The following GPATCH2L variants were observed in gnomAD, a reference collection of about 807,000 sequenced individuals.
GPATCH2L encodes the protein G patch domain-containing protein 2-like.
In GPATCH2L, 31 loss-of-function variants were observed where a neutral mutation model predicts 57.4. The observed-to-expected ratio is 0.54, with a 90% confidence interval of 0.41 to 0.73. GPATCH2L has a LOEUF of 0.73. Ranked by LOEUF, GPATCH2L falls within the 30% of genes least tolerant of loss-of-function variation. The pLI is 0.00. For synonymous variants in GPATCH2L, 199 were observed against 210.7 expected (o/e 0.94, Z 0.48); for missense variants, 481 against 599.9 (o/e 0.80, Z 2.07).
chr14:76,153,222 G>A (rs2038137947), intron 1 of GPATCH2L, among the ~76,000 whole-genome samples: 1 of 152,202 alleles, frequency 6.6e-6, no homozygotes, highest in Non-Finnish European at 1.5e-5. Context: ...ATGGGAATAT[G>A]GTCAGAGAGT....
At chr14:76,166,120 T>A (rs3825698) in intron 2 of GPATCH2L, among the ~76,000 whole-genome samples, 85,404 of 152,098 alleles carry the variant, frequency 0.56, 26,330 homozygotes, top group South Asian at 0.77. Context: ...TTAACTTTAG[T>A]TCCTTTTTTC....
In GPATCH2L at chr14:76,180,762, A is replaced by T. The variant is rs1407178873; in HGVS notation, c.1108-2A>T. 3 of 1,600,088 alleles carry T rather than the reference A, an allele frequency of 1.9e-6. No individual in the cohort carries two copies. The South Asian group carries it at 3.3e-5, about 18-fold the overall frequency. ...CTAAAATAGTCTTATTCATTCCTGC[A>T]GTTCAATCCCCTGTCTCCCCTTTAC... On this transcript the variant is annotated splice_acceptor_variant, in intron 7 of 9. Coordinates refer to ENST00000261530, the MANE Select transcript of GPATCH2L (RefSeq NM_017926.4). LOFTEE classifies it high-confidence loss of function.
intron 2 of GPATCH2L, 97 bp from the exon 3 acceptor site, chr14:76,166,566 G>A (rs1879327781): frequency 7.1e-6 from 5 of 704,168 alleles, no homozygotes; most frequent in Non-Finnish European, 1.3e-5. Flanking sequence ...TAACAGGTTG[G>A]AGTGAAATTA....
At chr14:76,174,866 C>T (rs893135679) in intron 5 of GPATCH2L, 6 of 152,142 alleles carry the variant, frequency 3.9e-5, no homozygotes, top group African/African-American at 1.4e-4. Context: ...AACCCCTGAC[C>T]TCAGGTGATC....
intron 9 of GPATCH2L, among the ~76,000 whole-genome samples, chr14:76,197,215 A>T (rs2040180695): frequency 6.6e-6 from 1 of 152,180 alleles, no homozygotes; most frequent in Non-Finnish European, 1.5e-5. Flanking sequence ...ATAAAACAAG[A>T]TCAAGTCTAG....
At chr14:76,169,602 A>T (rs187275334) in intron 3 of GPATCH2L, among the ~76,000 whole-genome samples, 1 of 152,300 alleles carries the variant, frequency 6.6e-6, no homozygotes, top group Admixed American at 6.5e-5. Context: ...CTGCTGGTCT[A>T]TGTGGTCTCA....
rs2139837662 is a variant in GPATCH2L at position 76,206,393 on chromosome 14, A to C, written c.*4542A>C. 1 of 152,318 alleles carries C rather than the reference A, an allele frequency of 6.6e-6. No homozygotes were observed. The highest frequency in any genetic ancestry group is 1.9e-4 in the East Asian group (1 of 5,182). 9.4% of individuals were successfully genotyped at this position (152,318 alleles called of 1,614,324 possible). On this transcript the variant is annotated 3_prime_UTR_variant, in exon 10 of 10. Transcript: ENST00000261530. Reference sequence around the variant, plus strand: ...TGAGAAGTATTGTTGAAGAGTATGGACCTACAGGGTTTTTAACAAGTCCAG... The same window carrying C: ...TGAGAAGTATTGTTGAAGAGTATGGCCCTACAGGGTTTTTAACAAGTCCAG...
At chr14:76,226,872 T>C (rs572571960) in intron 1 of GPATCH2L, among the ~76,000 whole-genome samples, 89 of 152,190 alleles carry the variant, frequency 5.8e-4, no homozygotes, top group African/African-American at 2.0e-3. Context: ...TAAAAGAGAG[T>C]GTACACGGAG....
At chr14:76,168,719 A>G (rs965074346) in intron 3 of GPATCH2L, among the ~76,000 whole-genome samples, 1 of 152,254 alleles carries the variant, frequency 6.6e-6, no homozygotes, top group Non-Finnish European at 1.5e-5. Context: ...GACCAAGCCC[A>G]GAGTCAGTAG....
intron 1 of GPATCH2L, chr14:76,153,025 A>G (rs2038127242): frequency 9.1e-6 from 3 of 330,528 alleles, no homozygotes; most frequent in African/African-American, 4.3e-5. Flanking sequence ...TCTTGTTTAA[A>G]TGTATGTGCT....
At chr14:76,227,330 C>T (rs2040540321) in intron 1 of GPATCH2L, among the ~76,000 whole-genome samples, 1 of 152,288 alleles carries the variant, frequency 6.6e-6, no homozygotes, top group South Asian at 2.1e-4. Flanking sequence ...CTTCTCCTAA[C>T]CTCAAAAGGC....
rs1164034063 is a variant in GPATCH2L at position 76,187,961 on chromosome 14, C to G, written c.1193+7112C>G. On this transcript the variant is annotated intron_variant, in intron 8 of 9. Transcript: ENST00000261530. ...TTTAGATCCCACAAATAAGTGAGAA[C>G]ATGTGATTTTTGTCTTTCTGTGCCT... Among the ~76,000 whole-genome samples the G allele has an allele frequency of 6.6e-5, 10 of 152,240 alleles. No homozygotes were observed. In the South Asian group the frequency reaches 1.9e-3, roughly 28 times the overall value.
chr14:76,183,789 T>C (rs10498533), intron 8 of GPATCH2L, among the ~76,000 whole-genome samples: 31,495 of 152,094 alleles, frequency 0.21, 3,622 homozygotes, highest in African/African-American at 0.31. Flanking sequence ...ACTGATGAGA[T>C]TGGATTCAGA....
chr14:76,160,337 G>T (rs2038522501), intron 2 of GPATCH2L, among the ~76,000 whole-genome samples: 1 of 152,138 alleles, frequency 6.6e-6, no homozygotes, highest in African/African-American at 2.4e-5. Flanking sequence ...TTCTAACGTG[G>T]GCCTCCATTT....
chr14:76,227,727 G>T (rs1303050007), intron 1 of GPATCH2L, among the ~76,000 whole-genome samples: 1 of 22,438 alleles, frequency 4.5e-5, no homozygotes, highest in African/African-American at 6.2e-5. Context: ...CTACTTACAA[G>T]AACTCCATAG....
intron 8 of GPATCH2L, among the ~76,000 whole-genome samples, chr14:76,194,461 C>T (rs1430599582): frequency 1.4e-5 from 2 of 143,440 alleles, no homozygotes; most frequent in Non-Finnish European, 3.0e-5. Context: ...GACTCTTAAG[C>T]TTTTGCTATT....
At position 76,177,019 on chromosome 14, in the gene GPATCH2L, T is replaced by C. The variant is rs112276135; in HGVS notation, c.1052+329T>C. Among the ~76,000 whole-genome samples, 521 of 152,242 alleles carry C rather than the reference T, an allele frequency of 3.4e-3. 4 individuals carry two copies. The highest frequency in any genetic ancestry group is 0.012 in the African/African-American group (483 of 41,512). On this transcript the variant is annotated intron_variant, in intron 6 of 9. Transcript: ENST00000261530. ...TGATTGCCTCTATCCTCCTATATTC[T>C]CTTCCCATTTTTAGACCTTTTCATA...
At chr14:76,218,977 G>A (rs189970438), downstream of GPATCH2L, among the ~76,000 whole-genome samples, 495 of 115,380 alleles carry the variant, frequency 4.3e-3, 3 homozygotes, top group African/African-American at 0.016. Context: ...AGATTTAAAC[G>A]TAAAAAATAA....
Position 76,210,415 on chromosome 14 carries a change from T to C in GPATCH2L, c.*8564T>C, listed in dbSNP as rs929571181. On this transcript the variant is annotated 3_prime_UTR_variant, in exon 10 of 10. Coordinates refer to ENST00000261530, the MANE Select transcript of GPATCH2L (RefSeq NM_017926.4). ...TGAACTGTTGGAGGGCATGTACATA[T>C]GCATAAGCTGTGGGCCACTGGGCCA... 7 of 152,214 alleles carry C rather than the reference T, an allele frequency of 4.6e-5. No homozygotes were observed. The highest frequency in any genetic ancestry group is 2.0e-4 in the Admixed American group (3 of 15,270). 9.4% of individuals were successfully genotyped at this position (152,214 alleles called of 1,614,324 possible).
Sources: gnomAD v4.1 joint callset for allele counts (sites outside exome capture counted in the v4.1 genomes callset) on GRCh38, gnomAD v4.1.1 for gene constraint, MANE v1.5 for transcripts, NCBI Gene and HGNC (gene_info 2026-07-23, HGNC 2026-07-21) for gene names.